The following TAAR5 variants were observed in gnomAD, a reference collection of about 807,000 sequenced individuals.
The protein encoded by TAAR5 is trace amine-associated receptor 5.
Under a neutral mutation model 21.1 loss-of-function variants are expected in TAAR5, and 27 were observed. The ratio of observed to expected loss-of-function variants is 1.28; its 90% confidence interval spans 0.94 to 1.76. The LOEUF (loss-of-function observed/expected upper bound fraction) is 1.76, where lower values mean the gene tolerates loss of function less well. TAAR5 is among the 40% of genes most tolerant of loss of function. The probability of loss-of-function intolerance (pLI) is 0.00; values close to 1 mark genes in which losing one functional copy is unlikely to be tolerated. For missense variants in TAAR5, 495 were observed against 405.6 expected, an observed-to-expected ratio of 1.22 and a Z score of -1.89; for synonymous variants, 203 against 167.5, an observed-to-expected ratio of 1.21 and a Z score of -1.64.
chr6:132,589,051 G>T lies in TAAR5; in HGVS notation c.636C>A (p.Cys212Ter). ...WLNFPLFFVP[C>*]LIMISLYVKI... The stretch of plus-strand genomic sequence containing the variant: ...TCACATACAAGCTGATCATAATGAG[G>T]CAGGGGACAAAGAACAAAGGGAAGT... Residue 212 changes from cysteine to a stop codon, truncating the protein, a stop_gained, in exon 1 of 1, where the codon TGC becomes TGA. Transcript: ENST00000258034. LOFTEE classifies it high-confidence loss of function. 1.2e-6 allele frequency: 2 copies of T among 1,614,056 alleles called. No homozygotes were observed.
At chr6:132,614,430 T>G in the TAAR5 span, among the ~76,000 whole-genome samples, 1 of 152,254 alleles carries the variant, frequency 6.6e-6, no homozygotes, top group African/African-American at 2.4e-5. Flanking sequence ...AGTTAAAAAC[T>G]ATCTTCTCAA....
the TAAR5 span, among the ~76,000 whole-genome samples, chr6:132,613,258 G>A: frequency 6.6e-6 from 1 of 152,160 alleles, no homozygotes; most frequent in African/African-American, 2.4e-5. Flanking sequence ...TTGGAAAACT[G>A]TATTCTAATT....
At chr6:132,615,614 G>T in the TAAR5 span, among the ~76,000 whole-genome samples, 1 of 151,558 alleles carries the variant, frequency 6.6e-6, no homozygotes, top group Non-Finnish European at 1.5e-5. Flanking sequence ...TACTAATCCT[G>T]GGAAATGAAG....
chr6:132,598,358 C>CA, the TAAR5 span, among the ~76,000 whole-genome samples: 13 of 152,220 alleles, frequency 8.5e-5, no homozygotes, highest in East Asian at 2.5e-3. Flanking sequence ...TTTCAACACA[C>CA]AAAAAATAGC....
the TAAR5 span, among the ~76,000 whole-genome samples, chr6:132,597,271 G>A: frequency 6.6e-6 from 1 of 152,064 alleles, no homozygotes; most frequent in Non-Finnish European, 1.5e-5. Context: ...TTAAGTGTTA[G>A]TTTAAGACAA....
chr6:132,598,841 A>G, the TAAR5 span, among the ~76,000 whole-genome samples: 1 of 152,158 alleles, frequency 6.6e-6, no homozygotes, highest in African/African-American at 2.4e-5. Context: ...AATGAAAAAG[A>G]GGGAAGGAAG....
At chr6:132,611,913 A>G in the TAAR5 span, among the ~76,000 whole-genome samples, 2 of 152,266 alleles carry the variant, frequency 1.3e-5, no homozygotes, top group African/African-American at 2.4e-5. Context: ...AAAAATACAC[A>G]GTTTTTAGAG....
In TAAR5 at chr6:132,589,678, A is replaced by G; in HGVS notation, c.9T>C (p.Ala3=). The G allele has an allele frequency of 1.3e-6, 2 of 1,524,240 alleles. No homozygotes were observed. Among genetic ancestry groups the G allele is most frequent in the Non-Finnish European group, 1.8e-6 (2 of 1,129,950 alleles). The allele number at this position is 1,524,240 out of a possible 1,614,324, so 94.4% of individuals were successfully genotyped here. MR[A]VFIQGAEEHP... ...GCTCTTCAGCACCTTGGATGAAGAC[A>G]GCTCTCATTTATGATTTCTACTCTT... The change falls in exon 1 of 1, where the codon GCT becomes GCC. Residue 3 remains alanine, a synonymous_variant. Coordinates refer to ENST00000258034, the MANE Select transcript of TAAR5 (RefSeq NM_003967.3).
the TAAR5 span, among the ~76,000 whole-genome samples, chr6:132,599,433 A>G: frequency 1.4e-5 from 2 of 141,660 alleles, no homozygotes; most frequent in African/African-American, 5.4e-5. Context: ...GGTTCAAGTG[A>G]TTCTCTTGCC....
At chr6:132,603,509 G>T in the TAAR5 span, among the ~76,000 whole-genome samples, 1 of 138,382 alleles carries the variant, frequency 7.2e-6, no homozygotes, top group African/African-American at 2.7e-5. Context: ...AAAAAAAAAA[G>T]AAATGACAAG....
At chr6:132,603,147 A>C in the TAAR5 span, among the ~76,000 whole-genome samples, 1 of 151,916 alleles carries the variant, frequency 6.6e-6, no homozygotes, top group East Asian at 1.9e-4. Context: ...GACTAAAAGT[A>C]AAAAATTGGC....
chr6:132,597,942 CT>C, the TAAR5 span, among the ~76,000 whole-genome samples: 2 of 152,110 alleles, frequency 1.3e-5, no homozygotes, highest in Non-Finnish European at 2.9e-5. Flanking sequence ...TTATGCAATA[CT>C]TTTTTTCTCC....
At chr6:132,589,770 A>G, upstream of TAAR5, 1 of 922,290 alleles carries the variant, frequency 1.1e-6, no homozygotes. Context: ...AAAAAAAAAA[A>G]AAAAAATATG....
chr6:132,612,364 C>A, the TAAR5 span, among the ~76,000 whole-genome samples: 1 of 152,144 alleles, frequency 6.6e-6, no homozygotes, highest in Non-Finnish European at 1.5e-5. Flanking sequence ...GCAACTAATT[C>A]AATGTGCTTA....
rs1776873411 is a variant in TAAR5 at position 132,589,575 on chromosome 6, A to G, written c.112T>C (p.Tyr38His). 6.2e-7 allele frequency: 1 copy of G among 1,614,024 alleles called. No individual in the cohort carries two copies. The highest frequency in any genetic ancestry group is 8.5e-7 in the Non-Finnish European group (1 of 1,179,960). The change falls in exon 1 of 1, where the codon TAC (tyrosine) becomes CAC (histidine). Residue 38 changes from tyrosine to histidine, a missense_variant. By Grantham distance (83) the Tyr-to-His change is moderately conservative. Coordinates refer to ENST00000258034, the MANE Select transcript of TAAR5 (RefSeq NM_003967.3). ...AGCATGCCTGCTGCACAGGCCAGGT[A>G]GATGACCAACTGGATGCCCAGAGTA... ...VHTLGIQLVI[Y>H]LACAAGMLII...
Position 132,588,835 on chromosome 6 carries a change from T to TG in TAAR5, c.851dup (p.Leu285ThrfsTer4), listed in dbSNP as rs1776853325. On this transcript the variant is annotated frameshift_variant, in exon 1 of 1. Transcript: ENST00000258034. LOFTEE classifies it high-confidence loss of function. ...ACCAGATAAAGATGTCAAAGACCAG[T>TG]GGGGGTGTGATAAAGTGAAGGAGGC... 1 of 1,613,556 alleles carries TG rather than the reference T, an allele frequency of 6.2e-7. No homozygotes were observed. The highest frequency in any genetic ancestry group is 2.2e-5 in the East Asian group (1 of 44,874).
At chr6:132,590,282 G>A, upstream of TAAR5, among the ~76,000 whole-genome samples, 1 of 152,134 alleles carries the variant, frequency 6.6e-6, no homozygotes, top group Non-Finnish European at 1.5e-5. Flanking sequence ...GAAGAATTCA[G>A]CATGCAAATA....
the TAAR5 span, among the ~76,000 whole-genome samples, chr6:132,596,750 T>A: frequency 6.6e-6 from 1 of 152,132 alleles, no homozygotes; most frequent in Non-Finnish European, 1.5e-5. Flanking sequence ...AGAACAAAGA[T>A]GTGTTCAGCT....
upstream of TAAR5, chr6:132,594,543 A>G (rs932394768): frequency 2.4e-4 from 37 of 152,212 alleles, no homozygotes; most frequent in African/African-American, 8.9e-4. Context: ...AGCCAGAGGA[A>G]GACATTGTAC....
Sources: gnomAD v4.1 joint callset for allele counts (sites outside exome capture counted in the v4.1 genomes callset) on GRCh38, gnomAD v4.1.1 for gene constraint, MANE v1.5 for transcripts, NCBI Gene and HGNC (gene_info 2026-07-23, HGNC 2026-07-21) for gene names.